The following PHF8 variants were observed in gnomAD, a reference collection of about 807,000 sequenced individuals.
PHF8 encodes the protein histone lysine demethylase PHF8.
PHF8 carries 9 observed loss-of-function variants against 74.4 expected under a neutral mutation model. The ratio of observed to expected loss-of-function variants is 0.12; its 90% confidence interval spans 0.07 to 0.21. The LOEUF is 0.21. Among genes scored for constraint, PHF8 ranks in the 10% least tolerant of loss-of-function variants. The pLI is 1.00. For missense variants in PHF8, 478 were observed against 816.6 expected, an observed-to-expected ratio of 0.59 and a Z score of 5.05; for synonymous variants, 311 against 316.6, an observed-to-expected ratio of 0.98 and a Z score of 0.19.
intron 19 of PHF8, among the ~76,000 whole-genome samples, chrX:53,953,940 CAAATG>C (rs2064971135): frequency 9.0e-6 from 1 of 111,091 alleles, no homozygotes; most frequent in Non-Finnish European, 1.9e-5. Context: ...AAGTGGTACT[CAAATG>C]AAAACTACAA....
chrX:53,978,626 G>A (rs782680041), intron 18 of PHF8, among the ~76,000 whole-genome samples: 9 of 108,323 alleles, frequency 8.3e-5, no homozygotes, highest in East Asian at 5.9e-4. Context: ...GTGAAACCCC[G>A]TCTCTACTAA....
chrX:53,995,688 CT>C lies in PHF8; in HGVS notation c.1323+4del. ...GCCTTTTCTTCCCTGCCCCATGCTC[CT>C]TACTTCCACCAGGCGGATCTCCCTG... On this transcript the variant is annotated splice_donor_region_variant and intron_variant, in intron 12 of 21. Coordinates refer to ENST00000338154, the MANE Select transcript of PHF8 (RefSeq NM_015107.3). 1 of 1,164,351 alleles carries C rather than the reference CT, an allele frequency of 8.6e-7. No homozygotes were observed. Among genetic ancestry groups the C allele is most frequent in the Non-Finnish European group, 1.2e-6 (1 of 852,650 alleles).
At chrX:53,985,783 G>C (rs1557099395) in intron 17 of PHF8, 33 bp downstream of exon 17, 2 of 1,211,516 alleles carry the variant, frequency 1.7e-6, no homozygotes, top group South Asian at 3.5e-5. Context: ...CTGTCTGATA[G>C]CCTGGAAAGG....
chrX:54,042,542 G>T (rs1603347807), intron 2 of PHF8, 89 bp downstream of exon 2: 8 of 829,308 alleles, frequency 9.6e-6, no homozygotes, highest in East Asian at 3.4e-5. Flanking sequence ...TCCTGAGCCG[G>T]AATCTAAAAA....
intron 19 of PHF8, among the ~76,000 whole-genome samples, chrX:53,954,642 GATAT>G (rs10544503): frequency 2.8e-3 from 257 of 92,518 alleles, no homozygotes; most frequent in African/African-American, 7.3e-3. Flanking sequence ...CTGGGTGACA[GATAT>G]ATATATATAT....
At chrX:54,026,093 C>T (rs2066262017) in intron 2 of PHF8, among the ~76,000 whole-genome samples, 2 of 111,622 alleles carry the variant, frequency 1.8e-5, no homozygotes, top group South Asian at 7.4e-4. Flanking sequence ...GTGGCTCACG[C>T]CTGTAATCCC....
intron 1 of PHF8, 37 bp downstream of exon 1, chrX:54,043,725 A>C: frequency 1.3e-5 from 7 of 531,555 alleles, no homozygotes; most frequent in Non-Finnish European, 1.6e-5. Flanking sequence ...TATATCCTAA[A>C]ACTGACAGTA....
At chrX:53,942,093 A>G (rs1247538150) in intron 20 of PHF8, among the ~76,000 whole-genome samples, 1 of 111,868 alleles carries the variant, frequency 8.9e-6, no homozygotes, top group Non-Finnish European at 1.9e-5. Context: ...CCCACAGACA[A>G]CTAGACCATC....
chrX:53,988,470 C>G (rs782547027), intron 14 of PHF8, among the ~76,000 whole-genome samples: 14 of 110,231 alleles, frequency 1.3e-4, no homozygotes, highest in Non-Finnish European at 2.5e-4. Context: ...GAGTAAAACA[C>G]AGAAAAATAT....
At chrX:53,974,553 A>T (rs1557095490) in intron 18 of PHF8, among the ~76,000 whole-genome samples, 1 of 111,841 alleles carries the variant, frequency 8.9e-6, no homozygotes, top group Non-Finnish European at 1.9e-5. Context: ...TAATCCTATT[A>T]CTGGATATAT....
At chrX:53,962,119 A>G (rs2065115377) in intron 19 of PHF8, among the ~76,000 whole-genome samples, 1 of 111,939 alleles carries the variant, frequency 8.9e-6, no homozygotes, top group Non-Finnish European at 1.9e-5. Context: ...CTTAGATAGT[A>G]GGTCTTAGTA....
chrX:53,985,765 G>C (rs782677745), intron 17 of PHF8, 51 bp downstream of exon 17: 1 of 1,210,604 alleles, frequency 8.3e-7, no homozygotes, highest in Admixed American at 2.2e-5. Context: ...GGGCGGGAGC[G>C]GGGGTTGCTG....
At chrX:53,998,728 T>C (rs782048851) in intron 11 of PHF8, among the ~76,000 whole-genome samples, 1 of 111,924 alleles carries the variant, frequency 8.9e-6, no homozygotes, top group East Asian at 2.8e-4. Context: ...TCTTTCCAAA[T>C]CAGTACATAC....
At chrX:53,954,031 G>T (rs1158021151) in intron 19 of PHF8, among the ~76,000 whole-genome samples, 2 of 111,631 alleles carry the variant, frequency 1.8e-5, no homozygotes, top group African/African-American at 6.5e-5. Flanking sequence ...ATGATAAAAA[G>T]GTCAATCCAT....
intron 2 of PHF8, among the ~76,000 whole-genome samples, chrX:54,033,316 T>G (rs1479383039): frequency 3.6e-5 from 4 of 112,376 alleles, no homozygotes; most frequent in Non-Finnish European, 7.5e-5. Context: ...CAACAGATGT[T>G]AAGACTGAGA....
At chrX:54,020,465 G>A (rs1270901431) in intron 4 of PHF8, among the ~76,000 whole-genome samples, 1 of 111,161 alleles carries the variant, frequency 9.0e-6, no homozygotes, top group East Asian at 2.8e-4. Context: ...CCATGAAAAA[G>A]AACATCTGTA....
intron 11 of PHF8, among the ~76,000 whole-genome samples, chrX:53,999,045 A>C (rs930325577): frequency 1.8e-5 from 2 of 112,363 alleles, no homozygotes; most frequent in African/African-American, 6.5e-5. Context: ...ATAACTATTA[A>C]ATGTTTCTGG....
chrX:53,973,223 C>T (rs2065321649), intron 18 of PHF8, among the ~76,000 whole-genome samples: 1 of 111,881 alleles, frequency 8.9e-6, no homozygotes, highest in South Asian at 3.7e-4. Context: ...CCATGCTGCC[C>T]AAAGTAATTT....
chrX:53,974,928 G>A (rs1557095615), intron 18 of PHF8, among the ~76,000 whole-genome samples: 2 of 111,667 alleles, frequency 1.8e-5, no homozygotes, highest in African/African-American at 6.5e-5. Flanking sequence ...GGGAAGGAGA[G>A]TACAAGGAAG....
Sources: allele counts gnomAD v4.1 joint callset (sites outside exome capture counted in the v4.1 genomes callset), GRCh38; gene constraint gnomAD v4.1.1; transcripts MANE v1.5; gene names NCBI Gene and HGNC (gene_info 2026-07-23, HGNC 2026-07-21).